The following TRABD2B variants were observed in gnomAD, a reference collection of about 807,000 sequenced individuals.
TRABD2B encodes the protein metalloprotease TIKI2.
A neutral mutation model predicts 40.1 loss-of-function variants in TRABD2B; 14 were observed. The ratio of observed to expected loss-of-function variants is 0.35; its 90% CI spans 0.23 to 0.55. The LOEUF (loss-of-function observed/expected upper bound fraction) is 0.55. Among genes scored for constraint, TRABD2B ranks in the 20% least tolerant of loss-of-function variants. TRABD2B has a pLI of 0.90. For synonymous variants in TRABD2B, 263 were observed against 277.0 expected (o/e 0.95, Z 0.50); for missense variants, 541 against 648.6 (o/e 0.83, Z 1.80).
chr1:47,794,051 C>T (rs1425061043), intron 4 of TRABD2B, among the ~76,000 whole-genome samples: 1 of 152,208 alleles, frequency 6.6e-6, no homozygotes, highest in Non-Finnish European at 1.5e-5. Context: ...CTAATCTTTA[C>T]AACTATTCTA....
chr1:47,823,555 G>C (rs1324788890), intron 2 of TRABD2B, among the ~76,000 whole-genome samples: 1 of 152,234 alleles, frequency 6.6e-6, no homozygotes, highest in Non-Finnish European at 1.5e-5. Flanking sequence ...GGCATGCCTG[G>C]TTCTAGAGAA....
At chr1:47,890,650 A>T (rs1644432045) in intron 2 of TRABD2B, among the ~76,000 whole-genome samples, 1 of 152,180 alleles carries the variant, frequency 6.6e-6, no homozygotes, top group Non-Finnish European at 1.5e-5. Flanking sequence ...CAGGCCTCTC[A>T]TCTGCCAAAT....
chr1:47,919,476 C>A (rs773378302), intron 2 of TRABD2B, among the ~76,000 whole-genome samples: 4 of 152,220 alleles, frequency 2.6e-5, no homozygotes, highest in Admixed American at 6.5e-5. Flanking sequence ...GAGCTTCCTG[C>A]CTTCAAATCT....
intron 2 of TRABD2B, among the ~76,000 whole-genome samples, chr1:47,925,975 C>T (rs1644963636): frequency 1.3e-5 from 2 of 152,130 alleles, no homozygotes; most frequent in Admixed American, 6.5e-5. Flanking sequence ...CTCTTCTGTT[C>T]AACTTTTCCC....
Position 47,764,842 on chromosome 1 carries a change from G to C in TRABD2B, c.*1060C>G, listed in dbSNP as rs1024131575. On this transcript the variant is annotated 3_prime_UTR_variant, in exon 7 of 7. Transcript: ENST00000606738. ...TTCAGCAAGTCCCTTCGCCTCTTTG[G>C]GGGGCTCAGTTTCCTCATCTGTGAA... 6.6e-6 allele frequency: 1 copy of C among 152,218 alleles called. No individual in the cohort carries two copies. Among genetic ancestry groups the C allele is most frequent in the South Asian group, 2.1e-4 (1 of 4,818 alleles). The allele number at this position is 152,218 out of a possible 1,614,324, so 9.4% of individuals were successfully genotyped here. A position where few individuals can be genotyped will look rare whatever the true frequency, so the allele number is the denominator to read the frequency against.
intron 2 of TRABD2B, among the ~76,000 whole-genome samples, chr1:47,840,207 C>G (rs868744603): frequency 7.9e-5 from 12 of 152,280 alleles, no homozygotes; most frequent in African/African-American, 2.4e-4. Flanking sequence ...CACGCTCACT[C>G]CAGGGCCGTC....
chr1:47,910,660 C>T (rs1195251565), intron 2 of TRABD2B, among the ~76,000 whole-genome samples: 3 of 152,190 alleles, frequency 2.0e-5, no homozygotes, highest in African/African-American at 4.8e-5. Flanking sequence ...AGAAAAAGCA[C>T]AGACCTGTAT....
At chr1:47,871,946 T>A (rs1289840667) in intron 2 of TRABD2B, among the ~76,000 whole-genome samples, 17 of 152,224 alleles carry the variant, frequency 1.1e-4, no homozygotes, top group Admixed American at 1.1e-3. Context: ...TGTGCGTCAG[T>A]GCACTGGTGC....
chr1:47,851,449 C>T (rs547978748), intron 2 of TRABD2B, among the ~76,000 whole-genome samples: 31 of 152,148 alleles, frequency 2.0e-4, no homozygotes, highest in Non-Finnish European at 4.1e-4. Context: ...TGTGTAGTCA[C>T]AGAGTGGGAC....
intron 2 of TRABD2B, among the ~76,000 whole-genome samples, chr1:47,909,326 GC>G (rs138633164): frequency 0.029 from 4,458 of 152,118 alleles, 214 homozygotes; most frequent in African/African-American, 0.1. Flanking sequence ...TCTGGTGAGG[GC>G]CGCAGGCTGC....
chr1:47,965,270 A>G (rs1189027156), intron 2 of TRABD2B, among the ~76,000 whole-genome samples: 1 of 143,720 alleles, frequency 7.0e-6, no homozygotes, highest in East Asian at 2.1e-4. Context: ...ACAAGAGTAC[A>G]AGTCTGACTT....
In TRABD2B at chr1:47,794,737, G is replaced by A; in HGVS notation, c.837C>T (p.Thr279=). 6.5e-7 allele frequency: 1 copy of A among 1,534,292 alleles called. No homozygotes were observed. The highest frequency in any genetic ancestry group is 1.7e-4 in the Middle Eastern group (1 of 5,972). ...TSQLPNFINT[T]LPPHEQVTAQ... is the part of the protein sequence containing the mutation. ...CCGTCACCTGCTCGTGTGGCGGGAG[G>A]GTGGTGTTGATAAAGTTGGGCAGCT... Residue 279 remains threonine, a synonymous_variant, in exon 4 of 7, where the codon ACC becomes ACT. Transcript: ENST00000606738.
At chr1:47,981,631 G>A (rs1440457458) in intron 2 of TRABD2B, among the ~76,000 whole-genome samples, 1 of 152,060 alleles carries the variant, frequency 6.6e-6, no homozygotes, top group Non-Finnish European at 1.5e-5. Flanking sequence ...TGAACCCTCA[G>A]GATCTGGAAC....
intron 2 of TRABD2B, among the ~76,000 whole-genome samples, chr1:47,962,591 C>T (rs931610110): frequency 2.0e-5 from 3 of 152,148 alleles, no homozygotes; most frequent in Admixed American, 2.0e-4. Flanking sequence ...TTACCACGTG[C>T]CAGGCACTGC....
At chr1:47,871,169 G>A (rs781111834) in intron 2 of TRABD2B, among the ~76,000 whole-genome samples, 4 of 152,144 alleles carry the variant, frequency 2.6e-5, no homozygotes, top group Non-Finnish European at 5.9e-5. Flanking sequence ...CTGAGGCACA[G>A]TCACTTGCCC....
intron 2 of TRABD2B, among the ~76,000 whole-genome samples, chr1:47,852,670 G>A (rs186539906): frequency 4.5e-4 from 69 of 152,260 alleles, no homozygotes; most frequent in African/African-American, 1.6e-3. Flanking sequence ...TCCAGGCACT[G>A]GTTACATACT....
intron 4 of TRABD2B, among the ~76,000 whole-genome samples, chr1:47,792,745 G>A (rs941765909): frequency 6.6e-6 from 1 of 152,104 alleles, no homozygotes; most frequent in Non-Finnish European, 1.5e-5. Context: ...CCAGCCCTGG[G>A]AGACTCTGCT....
intron 3 of TRABD2B, among the ~76,000 whole-genome samples, chr1:47,796,804 C>T (rs1325270455): frequency 6.6e-6 from 1 of 152,130 alleles, no homozygotes; most frequent in Non-Finnish European, 1.5e-5. Flanking sequence ...CCTTTGAAAG[C>T]GATAATTGGA....
intron 2 of TRABD2B, among the ~76,000 whole-genome samples, chr1:47,940,249 C>T (rs904900960): frequency 7.2e-5 from 11 of 152,170 alleles, no homozygotes; most frequent in Non-Finnish European, 1.3e-4. Context: ...ATAATGCTTC[C>T]AGCACCCAGC....
Sources: allele counts gnomAD v4.1 joint callset (sites outside exome capture counted in the v4.1 genomes callset), GRCh38; gene constraint gnomAD v4.1.1; transcripts MANE v1.5; gene names NCBI Gene and HGNC (gene_info 2026-07-23, HGNC 2026-07-21).